The following SEC24A variants were observed in gnomAD, a reference collection of about 807,000 sequenced individuals.
SEC24A encodes protein transport protein Sec24A.
Under a neutral mutation model 129.4 loss-of-function variants are expected in SEC24A, and 93 were observed. The observed-to-expected ratio is 0.72, with a 90% CI of 0.61 to 0.85. The LOEUF (loss-of-function observed/expected upper bound fraction) is 0.85. Among genes scored for constraint, SEC24A ranks in the 40% least tolerant of loss-of-function variants. The probability of loss-of-function intolerance (pLI) is 0.00; values close to 1 mark genes in which losing one functional copy is unlikely to be tolerated. For synonymous variants in SEC24A, 460 were observed against 467.3 expected (o/e 0.98, Z 0.20); for missense variants, 1,264 against 1,307.4 (o/e 0.97, Z 0.51).
intron 2 of SEC24A, among the ~76,000 whole-genome samples, chr5:134,663,465 A>G (rs1470158880): frequency 6.6e-6 from 1 of 152,192 alleles, no homozygotes; most frequent in Non-Finnish European, 1.5e-5. Context: ...TCTAAAGTAT[A>G]AGACTTGAAT....
intron 12 of SEC24A, chr5:134,692,989 A>G: frequency 6.7e-7 from 1 of 1,484,552 alleles, no homozygotes; most frequent in Non-Finnish European, 9.1e-7. Flanking sequence ...GAAGCACATT[A>G]GGTAGGCTGC....
chr5:134,688,036 C>G, intron 10 of SEC24A, 145 bp from the exon 11 acceptor site: 1 of 659,366 alleles, frequency 1.5e-6, no homozygotes, highest in East Asian at 2.8e-5. Context: ...TCATGGTAAA[C>G]GTTGGGTGGT....
chr5:134,658,708 T>A (rs1750334953), intron 1 of SEC24A, among the ~76,000 whole-genome samples: 1 of 152,168 alleles, frequency 6.6e-6, no homozygotes, highest in South Asian at 2.1e-4. Flanking sequence ...GCCCAACCTC[T>A]ACACGATTTT....
Position 134,649,024 on chromosome 5 carries a change from CTCT to C in SEC24A, c.-48_-46del. On this transcript the variant is annotated 5_prime_UTR_variant, in exon 1 of 23. Transcript: ENST00000398844. ...CGCTTTCAGCAGTGGTCTTTCAGCT[CTCT>C]TCTTGTGCGCTGTTGTCGACCCCGA... is the stretch of plus-strand genomic sequence containing the variant. 3.7e-6 allele frequency: 5 copies of C among 1,346,386 alleles called. No individual in the cohort carries two copies. Among genetic ancestry groups the C allele is most frequent in the East Asian group, 2.4e-5 (1 of 41,726 alleles). The allele number at this position is 1,346,386 out of a possible 1,614,324, so 83.4% of individuals were successfully genotyped here.
intron 1 of SEC24A, among the ~76,000 whole-genome samples, chr5:134,655,658 A>G (rs1750219771): frequency 6.6e-6 from 1 of 152,028 alleles, no homozygotes; most frequent in Non-Finnish European, 1.5e-5. Context: ...ACAGAGCAAG[A>G]ATTCATCTCA....
At chr5:134,658,170 A>G (rs905617042) in intron 1 of SEC24A, among the ~76,000 whole-genome samples, 3 of 152,114 alleles carry the variant, frequency 2.0e-5, no homozygotes, top group African/African-American at 7.2e-5. Flanking sequence ...GAGAGGCTGA[A>G]TGAGGCAGGA....
rs969680260 is a variant in SEC24A at position 134,705,076 on chromosome 5, A to T, written c.2441-251A>T. ...AAGTTATTTATATTTATATTTATAT[A>T]TATATATATATATATTTTTTTTTTT... is the stretch of plus-strand genomic sequence containing the variant. On this transcript the variant is annotated intron_variant, in intron 16 of 22. Coordinates refer to ENST00000398844, the MANE Select transcript of SEC24A (RefSeq NM_021982.3). Among the ~76,000 whole-genome samples, 202 of 125,640 alleles carry T rather than the reference A, an allele frequency of 1.6e-3. 4 individuals carry two copies. The highest frequency in any genetic ancestry group is 2.2e-3 in the Admixed American group (28 of 12,514). 82.4% of individuals were successfully genotyped at this position (125,640 alleles called of 152,430 possible).
chr5:134,675,906 A>T (rs538089790), intron 6 of SEC24A, 117 bp from the exon 7 acceptor site: 101 of 647,770 alleles, frequency 1.6e-4, no homozygotes, highest in Non-Finnish European at 2.4e-4. Flanking sequence ...ACTCTATTGA[A>T]ATATTTCATC....
rs780649915 is a variant in SEC24A, at chr5:134,718,172, C to T, written c.2969C>T (p.Ser990Phe). Residue 990 changes from serine (S) to phenylalanine (F), a missense_variant and splice_region_variant, in exon 20 of 23, where the codon TCT becomes TTT. Coordinates refer to ENST00000398844, the MANE Select transcript of SEC24A (RefSeq NM_021982.3). The stretch of plus-strand genomic sequence containing the variant: ...GGAGCTTTCCTCATGGATGCAGGCT[C>T]TGTAAGTAATTTGACTTATCCTGAC... The part of the protein sequence containing the change: ...RDGAFLMDAG[S>F]VLMLWVGKNC... The T allele has an allele frequency of 3.1e-6, 5 of 1,610,538 alleles. No individual in the cohort carries two copies. In the South Asian group the frequency reaches 3.3e-5, roughly 11 times the overall value.
intron 13 of SEC24A, among the ~76,000 whole-genome samples, chr5:134,695,682 G>A (rs1167237731): frequency 4.6e-5 from 7 of 152,132 alleles, no homozygotes; most frequent in Non-Finnish European, 7.4e-5. Context: ...CTACTCAGGA[G>A]GCTGAGGCAG....
chr5:134,704,455 G>GA (rs1752094099), intron 16 of SEC24A, among the ~76,000 whole-genome samples: 4 of 152,120 alleles, frequency 2.6e-5, no homozygotes, highest in African/African-American at 4.8e-5. Flanking sequence ...TCATTTGAAT[G>GA]CGATCCCTGT....
At chr5:134,667,045 T>G in intron 3 of SEC24A, 49 bp downstream of exon 3, 1 of 1,449,132 alleles carries the variant, frequency 6.9e-7, no homozygotes, top group East Asian at 2.4e-5. Flanking sequence ...TGACTTAGGG[T>G]AGAAAGATGA....
intron 18 of SEC24A, 135 bp downstream of exon 18, chr5:134,709,023 T>C: frequency 1.3e-6 from 1 of 763,632 alleles, no homozygotes; most frequent in Non-Finnish European, 2.1e-6. Context: ...CTGGGCAATA[T>C]GGTGAAACCT....
At chr5:134,685,067 A>AAC (rs1415772652) in intron 9 of SEC24A, among the ~76,000 whole-genome samples, 1 of 152,228 alleles carries the variant, frequency 6.6e-6, no homozygotes, top group East Asian at 1.9e-4. Flanking sequence ...TGTTCAGAAA[A>AAC]ACACAGTAAA....
chr5:134,716,287 C>T (rs1323512745), intron 19 of SEC24A, among the ~76,000 whole-genome samples: 1 of 151,236 alleles, frequency 6.6e-6, no homozygotes, highest in Non-Finnish European at 1.5e-5. Context: ...ATGGTGATAC[C>T]CTGCCTCTAA....
chr5:134,693,552 T>C lies in SEC24A; in HGVS notation c.1780-175T>C. On this transcript the variant is annotated intron_variant, in intron 12 of 22. Coordinates refer to ENST00000398844, the MANE Select transcript of SEC24A (RefSeq NM_021982.3). ...CTTTGATTTGTCTTGCTTGCCAATT[T>C]ATAATGTTGACTTAAAATGGCTTTC... 2 of 1,430,136 alleles carry C rather than the reference T, an allele frequency of 1.4e-6. 1 individual carries two copies. Among genetic ancestry groups the C allele is most frequent in the South Asian group, 3.1e-5 (2 of 65,112 alleles). The allele number at this position is 1,430,136 out of a possible 1,614,324, so 88.6% of individuals were successfully genotyped here.
chr5:134,700,576 A>C (rs1751975598), intron 15 of SEC24A, among the ~76,000 whole-genome samples: 1 of 151,800 alleles, frequency 6.6e-6, no homozygotes, highest in African/African-American at 2.4e-5. Flanking sequence ...CAAAAAAAAA[A>C]AGATAAAGAT....
chr5:134,703,113 T>C (rs1384525363), intron 15 of SEC24A, among the ~76,000 whole-genome samples: 3 of 152,174 alleles, frequency 2.0e-5, no homozygotes, highest in Non-Finnish European at 4.4e-5. Context: ...TTTTTTTTGC[T>C]GTGACACACC....
rs182132764 is a variant in SEC24A at position 134,708,042 on chromosome 5, T to C, written c.2552-671T>C. Among the ~76,000 whole-genome samples the C allele has an allele frequency of 1.9e-3, 285 of 152,118 alleles. 3 individuals carry two copies. Among genetic ancestry groups the C allele is most frequent in the African/African-American group, 6.6e-3 (274 of 41,492 alleles). On this transcript the variant is annotated intron_variant, in intron 17 of 22. Coordinates refer to ENST00000398844, the MANE Select transcript of SEC24A (RefSeq NM_021982.3). ...TACTCAGGAGGCTGAGGCAGGATAA[T>C]TGCTTGAACCTGGGAGGCGGAGGAT...
Sources: gnomAD v4.1 joint callset for allele counts (sites outside exome capture counted in the v4.1 genomes callset) on GRCh38, gnomAD v4.1.1 for gene constraint, MANE v1.5 for transcripts, NCBI Gene and HGNC (gene_info 2026-07-23, HGNC 2026-07-21) for gene names.